The following CCDC180 variants were observed in gnomAD, a reference collection of about 807,000 sequenced individuals.
CCDC180 encodes coiled-coil domain containing 180.
Under a neutral mutation model 209.2 loss-of-function variants are expected in CCDC180, and 154 were observed. The ratio of observed to expected loss-of-function variants is 0.74; its 90% CI spans 0.65 to 0.84. The LOEUF is 0.84. Among genes scored for constraint, CCDC180 ranks in the 40% least tolerant of loss-of-function variants. The pLI is 0.00. For synonymous variants in CCDC180, 778 were observed against 749.1 expected, an observed-to-expected ratio of 1.04 and a Z score of -0.63; for missense variants, 1,874 against 1,997.3, an observed-to-expected ratio of 0.94 and a Z score of 1.18.
intron 32 of CCDC180, 129 bp from the exon 33 acceptor site, chr9:97,370,512 C>A: frequency 9.5e-7 from 1 of 1,054,320 alleles, no homozygotes; most frequent in Admixed American, 2.2e-5. Context: ...CTCTTCTGCC[C>A]ACCCATCACC....
chr9:97,322,604 C>T (rs539382428), intron 11 of CCDC180, among the ~76,000 whole-genome samples: 7 of 152,230 alleles, frequency 4.6e-5, no homozygotes, highest in African/African-American at 1.7e-4. Context: ...AGAATTAGGG[C>T]CAGAATGGAT....
intron 34 of CCDC180, chr9:97,373,270 T>C (rs1564179440): frequency 6.6e-6 from 1 of 152,270 alleles, no homozygotes; most frequent in African/African-American, 2.4e-5. Context: ...TTAAATGTTA[T>C]CCATTTATCA....
Position 97,377,043 on chromosome 9 carries a change from A to T in CCDC180, c.*149A>T. On this transcript the variant is annotated 3_prime_UTR_variant, in exon 37 of 37. Transcript: ENST00000529487. ...CACTGTAGCTTTACCAGCGAACAGG[A>T]CACAGCATGGTCCCTGCCCACGTGG... 1.2e-6 allele frequency: 1 copy of T among 844,000 alleles called. No individual in the cohort carries two copies. The allele number at this position is 844,000 out of a possible 1,614,324, so 52.3% of individuals were successfully genotyped here.
chr9:97,340,505 A>C (rs1210239908), intron 18 of CCDC180, among the ~76,000 whole-genome samples: 2 of 152,238 alleles, frequency 1.3e-5, no homozygotes, highest in African/African-American at 4.8e-5. Context: ...ATCATTAATC[A>C]TTAGTTTGTA....
chr9:97,351,988 C>T (rs962580782), intron 22 of CCDC180, among the ~76,000 whole-genome samples: 4 of 152,092 alleles, frequency 2.6e-5, no homozygotes, highest in Non-Finnish European at 5.9e-5. Flanking sequence ...TGGCAGATGC[C>T]TGTAATCCCA....
chr9:97,372,422 G>A (rs1291638948), intron 34 of CCDC180: 2 of 152,240 alleles, frequency 1.3e-5, no homozygotes, highest in African/African-American at 2.4e-5. Context: ...TTCTGAGTGT[G>A]TAGACGTTTG....
intron 4 of CCDC180, among the ~76,000 whole-genome samples, chr9:97,312,720 G>A (rs532428042): frequency 1.0e-4 from 12 of 114,892 alleles, no homozygotes; most frequent in African/African-American, 4.0e-4. Context: ...CGTGGCATCC[G>A]GCTTTCCACC....
chr9:97,325,714 C>G (rs1389739272), intron 14 of CCDC180, among the ~76,000 whole-genome samples: 1 of 152,214 alleles, frequency 6.6e-6, no homozygotes, highest in Admixed American at 6.5e-5. Context: ...CAGTGGACAT[C>G]TGTGATGGCA....
At chr9:97,351,526 G>A (rs1279822195) in intron 22 of CCDC180, among the ~76,000 whole-genome samples, 1 of 152,056 alleles carries the variant, frequency 6.6e-6, no homozygotes, top group South Asian at 2.1e-4. Flanking sequence ...TTTTTGAAAG[G>A]CTATATTTAT....
At chr9:97,322,970 T>C in intron 12 of CCDC180, 49 bp downstream of exon 12, 1 of 1,501,638 alleles carries the variant, frequency 6.7e-7, no homozygotes, top group Non-Finnish European at 9.2e-7. Context: ...GGGCAGGACC[T>C]GAAGTGCCTT....
intron 31 of CCDC180, chr9:97,369,345 C>G (rs1217149615): frequency 2.0e-5 from 3 of 152,148 alleles, no homozygotes; most frequent in Non-Finnish European, 2.9e-5. Context: ...CCAAGAGACA[C>G]AGTGCATTTT....
At position 97,376,742 on chromosome 9, in the gene CCDC180, C is replaced by T. The variant is rs1339215475; in HGVS notation, c.4843-21C>T. On this transcript the variant is annotated intron_variant, in intron 36 of 36. Transcript: ENST00000529487. ...CAGATGTCTCTCCTCATGTGGACCC[C>T]TCCTGCTACCTTCCTTCTAGAAATA... 3.5e-5 allele frequency: 57 copies of T among 1,609,296 alleles called. 1 individual carries two copies. In the Admixed American group the frequency reaches 9.2e-4, roughly 26 times the overall value.
At chr9:97,349,378 T>G (rs1826361545) in intron 21 of CCDC180, 87 bp downstream of exon 21, 2 of 1,216,302 alleles carry the variant, frequency 1.6e-6, no homozygotes, top group Non-Finnish European at 2.3e-6. Context: ...CCCCTCCCTG[T>G]AGACACAAAA....
At position 97,343,536 on chromosome 9, in the gene CCDC180, C is replaced by A; in HGVS notation, c.2471C>A (p.Ser824Ter). The A allele has an allele frequency of 1.2e-6, 2 of 1,612,478 alleles. No homozygotes were observed. Among genetic ancestry groups the A allele is most frequent in the African/African-American group, 1.3e-5 (1 of 74,700 alleles). Residue 824 changes from serine (S) to a stop codon, truncating the protein, a stop_gained, in exon 19 of 37, where the codon TCG becomes TAG. Transcript: ENST00000529487. LOFTEE classifies it high-confidence loss of function. ...TTCATAGAACAAGTGACAATTCCAT[C>A]GAGACTAATTTTAGAAATTAAGAAA... ...AKFIEQVTIP[S>*]RLILEIKKQL...
chr9:97,367,097 C>A (rs1826945289), intron 31 of CCDC180, among the ~76,000 whole-genome samples: 1 of 152,178 alleles, frequency 6.6e-6, no homozygotes, highest in African/African-American at 2.4e-5. Flanking sequence ...TCCCCTAACC[C>A]CTCCCCAGCC....
At chr9:97,367,633 C>T (rs1826965056) in intron 31 of CCDC180, among the ~76,000 whole-genome samples, 1 of 152,064 alleles carries the variant, frequency 6.6e-6, no homozygotes, top group African/African-American at 2.4e-5. Context: ...GCCACCATGC[C>T]TGGCTAATTT....
intron 35 of CCDC180, 33 bp from the exon 36 acceptor site, chr9:97,375,421 G>A (rs1827223973): frequency 2.5e-6 from 4 of 1,613,548 alleles, no homozygotes; most frequent in Non-Finnish European, 3.4e-6. Context: ...ATGAAGACAA[G>A]CCTGTGAGAT....
Position 97,364,740 on chromosome 9 carries a change from G to A in CCDC180, c.3980+612G>A, listed in dbSNP as rs117592251. On this transcript the variant is annotated intron_variant, in intron 29 of 36. Transcript: ENST00000529487. ...CAGCTGGCAGGTAGACAGTTCCCTCGTCCCACACCCAAGGACGCTCCTGCA... is the reference window on the plus strand; with the variant it reads ...CAGCTGGCAGGTAGACAGTTCCCTCATCCCACACCCAAGGACGCTCCTGCA... 7.2e-3 allele frequency: 1,103 copies of A among 153,950 alleles called. 29 individuals are homozygous for A. Among genetic ancestry groups the A allele is most frequent in the Admixed American group, 0.046 (698 of 15,294 alleles). 9.5% of individuals were successfully genotyped at this position (153,950 alleles called of 1,614,324 possible).
At chr9:97,341,338 G>A (rs1001964193) in intron 18 of CCDC180, among the ~76,000 whole-genome samples, 8 of 152,078 alleles carry the variant, frequency 5.3e-5, no homozygotes, top group African/African-American at 1.7e-4. Flanking sequence ...CTCCGCACAC[G>A]GGGAGAGACC....
Sources: gnomAD v4.1 joint callset for allele counts (sites outside exome capture counted in the v4.1 genomes callset) on GRCh38, gnomAD v4.1.1 for gene constraint, MANE v1.5 for transcripts, NCBI Gene and HGNC (gene_info 2026-07-23, HGNC 2026-07-21) for gene names.